EPHB1: variants seen among roughly 807,000 people sequenced by gnomAD.
The protein encoded by EPHB1 is EPH receptor B1.
In EPHB1, 30 loss-of-function variants were observed where a neutral mutation model predicts 94.4. The observed-to-expected ratio is 0.32, with a 90% CI of 0.24 to 0.43. EPHB1 has a LOEUF of 0.43. EPHB1 is among the 20% of genes least tolerant of loss of function. The pLI, the probability that EPHB1 is intolerant of heterozygous loss-of-function variation, is 1.00. For missense variants in EPHB1, 1,055 were observed against 1,308.3 expected, an observed-to-expected ratio of 0.81 and a Z score of 2.99; for synonymous variants, 522 against 489.1, an observed-to-expected ratio of 1.07 and a Z score of -0.89.
chr3:134,935,919 A>C (rs532523155), intron 2 of EPHB1, among the ~76,000 whole-genome samples: 1 of 152,302 alleles, frequency 6.6e-6, no homozygotes, highest in South Asian at 2.1e-4. Context: ...CTCACTTCTC[A>C]CTGGGACCCT....
At chr3:135,158,052 C>T (rs146641683) in intron 6 of EPHB1, among the ~76,000 whole-genome samples, 36 of 152,198 alleles carry the variant, frequency 2.4e-4, no homozygotes, top group African/African-American at 7.5e-4. Context: ...CAAGCACCTC[C>T]GATGCTGAGG....
intron 13 of EPHB1, among the ~76,000 whole-genome samples, chr3:135,246,198 T>C (rs964830180): frequency 6.6e-6 from 1 of 151,900 alleles, no homozygotes; most frequent in Non-Finnish European, 1.5e-5. Flanking sequence ...TCATGAGAGG[T>C]TGAGTTTGGA....
chr3:135,159,981 G>C (rs1162506873), intron 6 of EPHB1, among the ~76,000 whole-genome samples: 2 of 152,142 alleles, frequency 1.3e-5, no homozygotes, highest in African/African-American at 4.8e-5. Flanking sequence ...ACTCAACTCA[G>C]GTCACCCTTT....
At chr3:135,037,995 C>T (rs370381033) in intron 3 of EPHB1, among the ~76,000 whole-genome samples, 5 of 152,206 alleles carry the variant, frequency 3.3e-5, no homozygotes, top group African/African-American at 9.6e-5. Context: ...GATCTCCCAA[C>T]CTAAGAGCCG....
intron 3 of EPHB1, among the ~76,000 whole-genome samples, chr3:135,070,344 G>A (rs561659602): frequency 6.6e-6 from 1 of 152,240 alleles, no homozygotes; most frequent in African/African-American, 2.4e-5. Context: ...TTCCTCTGTT[G>A]GGCAGCAATG....
chr3:135,106,120 T>C (rs1235729500), intron 3 of EPHB1, among the ~76,000 whole-genome samples: 1 of 152,154 alleles, frequency 6.6e-6, no homozygotes, highest in African/African-American at 2.4e-5. Flanking sequence ...GGAGTAACCA[T>C]TTATAGAGCA....
chr3:134,878,590 GA>G (rs2037664286), intron 1 of EPHB1, among the ~76,000 whole-genome samples: 1 of 152,220 alleles, frequency 6.6e-6, no homozygotes, highest in African/African-American at 2.4e-5. Context: ...GGAGCTGATG[GA>G]AAGGGAAGAT....
intron 12 of EPHB1, among the ~76,000 whole-genome samples, chr3:135,211,904 C>G (rs1209159668): frequency 1.3e-5 from 2 of 152,168 alleles, no homozygotes; most frequent in Admixed American, 6.5e-5. Context: ...AAGTTTTCAG[C>G]CATATTCTTC....
At chr3:135,126,136 C>T (rs557778466) in intron 4 of EPHB1, among the ~76,000 whole-genome samples, 20 of 152,282 alleles carry the variant, frequency 1.3e-4, no homozygotes, top group African/African-American at 4.8e-4. Context: ...CCCTCTCTAC[C>T]ACCTCTTCAC....
At chr3:135,012,714 G>A (rs1326421760) in intron 3 of EPHB1, among the ~76,000 whole-genome samples, 1 of 152,142 alleles carries the variant, frequency 6.6e-6, no homozygotes, top group African/African-American at 2.4e-5. Context: ...TGTCCCCACT[G>A]CCCTGTCTCC....
chr3:135,239,879 G>C (rs1366163941), intron 12 of EPHB1, among the ~76,000 whole-genome samples: 1 of 152,136 alleles, frequency 6.6e-6, no homozygotes, highest in African/African-American at 2.4e-5. Context: ...TTGTTCTCTA[G>C]GGCTGAGCAT....
At chr3:134,975,489 C>T (rs565431895) in intron 3 of EPHB1, among the ~76,000 whole-genome samples, 1 of 152,274 alleles carries the variant, frequency 6.6e-6, no homozygotes, top group Non-Finnish European at 1.5e-5. Flanking sequence ...GCTCCTGACA[C>T]TCTGCTACTC....
At chr3:134,843,769 A>G (rs2036818699) in intron 1 of EPHB1, among the ~76,000 whole-genome samples, 1 of 151,816 alleles carries the variant, frequency 6.6e-6, no homozygotes, top group African/African-American at 2.4e-5. Context: ...GATGATCTCT[A>G]TTTTTCTGTT....
At chr3:135,013,824 T>G (rs1052980042) in intron 3 of EPHB1, among the ~76,000 whole-genome samples, 1 of 152,176 alleles carries the variant, frequency 6.6e-6, no homozygotes, top group African/African-American at 2.4e-5. Flanking sequence ...ACTAACTCAA[T>G]TACACATCAA....
At chr3:135,229,888 T>C (rs900374794) in intron 12 of EPHB1, among the ~76,000 whole-genome samples, 2 of 152,140 alleles carry the variant, frequency 1.3e-5, no homozygotes, top group African/African-American at 4.8e-5. Flanking sequence ...GAGAAGAGTC[T>C]GGGTGACCAA....
chr3:135,012,015 T>C (rs1186356002), intron 3 of EPHB1, among the ~76,000 whole-genome samples: 1 of 152,242 alleles, frequency 6.6e-6, no homozygotes, highest in South Asian at 2.1e-4. Flanking sequence ...TTCTTTCCTT[T>C]TGGCTATTCC....
At chr3:134,899,132 G>A (rs547796177) in intron 1 of EPHB1, among the ~76,000 whole-genome samples, 1 of 152,146 alleles carries the variant, frequency 6.6e-6, no homozygotes, top group Non-Finnish European at 1.5e-5. Context: ...ATGGATTCAT[G>A]GGCTTTTCAC....
At chr3:135,083,166 C>T (rs1488248856) in intron 3 of EPHB1, among the ~76,000 whole-genome samples, 2 of 152,068 alleles carry the variant, frequency 1.3e-5, no homozygotes. Context: ...CCTGATGACC[C>T]CATTGGAGCA....
In EPHB1 at chr3:134,952,656, G is replaced by T. The variant is rs560662729; in HGVS notation, c.805+604G>T. On this transcript the variant is annotated intron_variant, in intron 3 of 15. Transcript: ENST00000398015. ...GCCCTGGAAGGAGATGAAACTATTG[G>T]AATGGGAGTGGGACTGTATCATGTG... Among the ~76,000 whole-genome samples the T allele has an allele frequency of 2.6e-5, 4 of 152,326 alleles. No homozygotes were observed. The East Asian group carries it at 7.7e-4, about 29-fold the overall frequency.
Sources: gnomAD v4.1 joint callset for allele counts (sites outside exome capture counted in the v4.1 genomes callset) on GRCh38, gnomAD v4.1.1 for gene constraint, MANE v1.5 for transcripts, NCBI Gene and HGNC (gene_info 2026-07-23, HGNC 2026-07-21) for gene names.